ARHGEF10L: variants seen among roughly 807,000 people sequenced by gnomAD.
ARHGEF10L encodes the protein Rho guanine nucleotide exchange factor 10 like.
ARHGEF10L carries 69 observed loss-of-function variants against 141.2 expected under a neutral mutation model. That is an observed-to-expected ratio of 0.49 (90% confidence interval 0.40 to 0.60). ARHGEF10L has a LOEUF of 0.60. Ranked by LOEUF, ARHGEF10L falls within the 20% of genes least tolerant of loss-of-function variation. The probability of loss-of-function intolerance (pLI) is 0.00; values close to 1 mark genes in which losing one functional copy is unlikely to be tolerated. For synonymous variants in ARHGEF10L, 711 were observed against 718.5 expected, an observed-to-expected ratio of 0.99 and a Z score of 0.17; for missense variants, 1,482 against 1,734.3, an observed-to-expected ratio of 0.85 and a Z score of 2.58.
chr1:17,613,204 G>T, intron 8 of ARHGEF10L, 30 bp downstream of exon 8: 1 of 1,560,230 alleles, frequency 6.4e-7, no homozygotes, highest in Non-Finnish European at 8.8e-7. Context: ...TCAAGCCCTG[G>T]ATGGGGGCTG....
chr1:17,637,526 T>C (rs1477348116), intron 18 of ARHGEF10L, among the ~76,000 whole-genome samples: 1 of 151,276 alleles, frequency 6.6e-6, no homozygotes, highest in Non-Finnish European at 1.5e-5. Context: ...TGGGTTGGAG[T>C]CTTGCTCTGT....
intron 2 of ARHGEF10L, 61 bp downstream of exon 2, chr1:17,580,693 C>T (rs931695907): frequency 3.3e-5 from 53 of 1,603,500 alleles, no homozygotes; most frequent in African/African-American, 1.9e-4. Flanking sequence ...CGCTGGGGGC[C>T]GGCGGAGGGC....
intron 1 of ARHGEF10L, among the ~76,000 whole-genome samples, chr1:17,579,370 G>T (rs984604762): frequency 6.6e-6 from 1 of 152,144 alleles, no homozygotes; most frequent in Non-Finnish European, 1.5e-5. Context: ...AGTCTTGAAA[G>T]GTGCTAGAGT....
At chr1:17,515,247 G>A in the ARHGEF10L span, among the ~76,000 whole-genome samples, 1 of 151,922 alleles carries the variant, frequency 6.6e-6, no homozygotes, top group Non-Finnish European at 1.5e-5. Flanking sequence ...TGTAGGGGAG[G>A]CCAGGGTACA....
At chr1:17,662,418 G>A (rs1456243974) in intron 25 of ARHGEF10L, among the ~76,000 whole-genome samples, 5 of 152,178 alleles carry the variant, frequency 3.3e-5, no homozygotes, top group African/African-American at 9.6e-5. Context: ...GAGAGGCGAA[G>A]CCCCCGTCCA....
At chr1:17,599,134 G>C (rs956191945) in intron 4 of ARHGEF10L, among the ~76,000 whole-genome samples, 7 of 152,032 alleles carry the variant, frequency 4.6e-5, no homozygotes, top group South Asian at 2.1e-4. Context: ...TCAGGAGTTC[G>C]AGACCAGCCT....
At chr1:17,575,365 G>A (rs1006040820) in intron 1 of ARHGEF10L, among the ~76,000 whole-genome samples, 1 of 152,272 alleles carries the variant, frequency 6.6e-6, no homozygotes, top group African/African-American at 2.4e-5. Flanking sequence ...ACCACTGTGT[G>A]AAATGGGTCT....
At chr1:17,605,564 G>A (rs2100999482) in intron 6 of ARHGEF10L, among the ~76,000 whole-genome samples, 1 of 151,746 alleles carries the variant, frequency 6.6e-6, no homozygotes, top group African/African-American at 2.4e-5. Context: ...AGATGGCGGG[G>A]ACTTCAACGG....
chr1:17,612,118 CAG>C (rs2059580726), intron 7 of ARHGEF10L, among the ~76,000 whole-genome samples: 1 of 152,136 alleles, frequency 6.6e-6, no homozygotes, highest in African/African-American at 2.4e-5. Context: ...AGCAGTGTGC[CAG>C]AGGCAGCTAG....
chr1:17,580,757 GC>G (rs1570590625), intron 2 of ARHGEF10L, 125 bp downstream of exon 2: 1 of 1,159,526 alleles, frequency 8.6e-7, no homozygotes, highest in East Asian at 2.5e-5. Flanking sequence ...CTGGCTGCTG[GC>G]CCTGCCTGGG....
chr1:17,516,392 AT>A, the ARHGEF10L span, among the ~76,000 whole-genome samples: 1 of 152,178 alleles, frequency 6.6e-6, no homozygotes, highest in African/African-American at 2.4e-5. Flanking sequence ...AGTAGAGAAG[AT>A]CCCTCCCCTC....
At chr1:17,527,783 C>T in the ARHGEF10L span, among the ~76,000 whole-genome samples, 11 of 151,896 alleles carry the variant, frequency 7.2e-5, no homozygotes, top group Admixed American at 6.6e-4. Flanking sequence ...AGTTTCCGAC[C>T]TATTCACTGA....
At chr1:17,686,984 C>A (rs141597645) in intron 26 of ARHGEF10L, among the ~76,000 whole-genome samples, 1 of 152,164 alleles carries the variant, frequency 6.6e-6, no homozygotes, top group East Asian at 1.9e-4. Context: ...TCCTCAGGAC[C>A]CAAACTTGTT....
chr1:17,568,099 G>C (rs2077835693), intron 1 of ARHGEF10L, among the ~76,000 whole-genome samples: 1 of 152,150 alleles, frequency 6.6e-6, no homozygotes, highest in Admixed American at 6.5e-5. Flanking sequence ...TCACCATCCA[G>C]GCAGGCAGTG....
chr1:17,687,331 T>C (rs537607394), intron 26 of ARHGEF10L, among the ~76,000 whole-genome samples: 9 of 152,284 alleles, frequency 5.9e-5, no homozygotes, highest in South Asian at 2.1e-4. Flanking sequence ...ACCATGGAAA[T>C]TGGCAAACGC....
the ARHGEF10L span, among the ~76,000 whole-genome samples, chr1:17,528,373 C>T: frequency 6.6e-6 from 1 of 152,038 alleles, no homozygotes; most frequent in Non-Finnish European, 1.5e-5. Flanking sequence ...CACCACTATG[C>T]CTGTATAATT....
In ARHGEF10L at chr1:17,624,425, C is replaced by T. The variant is rs1240447601; in HGVS notation, c.1239C>T (p.Tyr413=). Residue 413 remains tyrosine, a synonymous_variant, in exon 13 of 29, where the codon TAC becomes TAT. Transcript: ENST00000361221. ...KSMVLDVYSD[Y]VNNFTSAMSI... is the part of the protein sequence containing the mutation. ...TGGTGCTAGATGTGTACAGTGACTACGTGAACAACTTCACCAGTGCCATGT... is the reference window on the plus strand; with the variant it reads ...TGGTGCTAGATGTGTACAGTGACTATGTGAACAACTTCACCAGTGCCATGT... 9.9e-6 allele frequency: 16 copies of T among 1,614,230 alleles called. No individual in the cohort carries two copies. The highest frequency in any genetic ancestry group is 2.2e-5 in the East Asian group (1 of 44,886).
chr1:17,666,040 G>T (rs935370294), intron 26 of ARHGEF10L, among the ~76,000 whole-genome samples: 7 of 152,192 alleles, frequency 4.6e-5, no homozygotes, highest in African/African-American at 7.2e-5. Flanking sequence ...GGCAGGGAGC[G>T]AATTCTCCCC....
the ARHGEF10L span, among the ~76,000 whole-genome samples, chr1:17,532,367 C>A: frequency 6.6e-6 from 1 of 152,100 alleles, no homozygotes; most frequent in African/African-American, 2.4e-5. Context: ...TTGGCCAGGC[C>A]CCAAGCTGAG....
Sources: gnomAD v4.1 joint callset for allele counts (sites outside exome capture counted in the v4.1 genomes callset) on GRCh38, gnomAD v4.1.1 for gene constraint, MANE v1.5 for transcripts, NCBI Gene and HGNC (gene_info 2026-07-23, HGNC 2026-07-21) for gene names.